Variants in EXD3 observed in about 807,000 individuals in gnomAD.
EXD3 encodes exonuclease 3'-5' domain containing 3.
EXD3 carries 92 observed loss-of-function variants against 98.0 expected under a neutral mutation model. That is an observed-to-expected ratio of 0.94 (90% CI 0.79 to 1.12). The LOEUF is 1.12. EXD3 is among the 50% of genes most tolerant of loss of function. The probability of loss-of-function intolerance (pLI) is 0.00; values close to 1 mark genes in which losing one functional copy is unlikely to be tolerated. For missense variants in EXD3, 1,222 were observed against 1,191.6 expected, an observed-to-expected ratio of 1.03 and a Z score of -0.38; for synonymous variants, 569 against 526.0, an observed-to-expected ratio of 1.08 and a Z score of -1.12.
intron 5 of EXD3, among the ~76,000 whole-genome samples, chr9:137,369,527 G>A (rs935692777): frequency 1.3e-5 from 2 of 152,234 alleles, no homozygotes; most frequent in Non-Finnish European, 2.9e-5. Flanking sequence ...CAGGCCCTGA[G>A]CAGGTGACGC....
At chr9:137,384,372 G>C (rs909497134) in intron 2 of EXD3, among the ~76,000 whole-genome samples, 4 of 152,266 alleles carry the variant, frequency 2.6e-5, no homozygotes, top group East Asian at 1.9e-4. Context: ...GAACGGAGGA[G>C]AGAACCACGT....
chr9:137,345,461 A>G (rs1833868878), intron 17 of EXD3, among the ~76,000 whole-genome samples: 1 of 152,190 alleles, frequency 6.6e-6, no homozygotes, highest in African/African-American at 2.4e-5. Flanking sequence ...CAGGAATTCG[A>G]GACCAGCCTG....
At chr9:137,417,436 C>G (rs973706131) in intron 1 of EXD3, among the ~76,000 whole-genome samples, 1 of 152,162 alleles carries the variant, frequency 6.6e-6, no homozygotes, top group Non-Finnish European at 1.5e-5. Context: ...CCCTGCTGAC[C>G]GCATCTGCAC....
chr9:137,377,832 C>T (rs1256708149), intron 3 of EXD3, among the ~76,000 whole-genome samples: 2 of 131,580 alleles, frequency 1.5e-5, no homozygotes, highest in Non-Finnish European at 3.1e-5. Context: ...CTTGCTCTGT[C>T]GCCCAGGCTG....
At chr9:137,419,771 T>C (rs1350369662) in intron 1 of EXD3, among the ~76,000 whole-genome samples, 1 of 152,192 alleles carries the variant, frequency 6.6e-6, no homozygotes, top group Non-Finnish European at 1.5e-5. Flanking sequence ...AGACTTCCGA[T>C]AACCTGGGAG....
chr9:137,315,253 A>C (rs1381394859), intron 19 of EXD3, among the ~76,000 whole-genome samples: 1 of 151,934 alleles, frequency 6.6e-6, no homozygotes, highest in Non-Finnish European at 1.5e-5. Context: ...TTCCCTGGGC[A>C]CCCCCCGACC....
intron 7 of EXD3, among the ~76,000 whole-genome samples, chr9:137,364,975 A>T (rs557995924): frequency 3.0e-4 from 45 of 151,338 alleles, no homozygotes; most frequent in Non-Finnish European, 5.3e-4. Flanking sequence ...TCACTGTGTT[A>T]GCCAGGATGG....
rs1300935913 is a variant in EXD3 at position 137,407,723 on chromosome 9, G to A, written c.-47-12319C>T. On this transcript the variant is annotated intron_variant, in intron 1 of 21. Coordinates refer to ENST00000340951, the MANE Select transcript of EXD3 (RefSeq NM_017820.5). The surrounding 1 kb of genome is among the most constrained non-coding windows in gnomAD (Gnocchi z 4.4). The stretch of plus-strand genomic sequence containing the variant: ...GGCTCCTGGCCTGGTTCTGAAGACG[G>A]CCCAGCTGGAGTGGGAGAAGTGCCC... Among the ~76,000 whole-genome samples, 1 of 152,232 alleles carries A rather than the reference G, an allele frequency of 6.6e-6. No individual in the cohort carries two copies. The highest frequency in any genetic ancestry group is 1.5e-5 in the Non-Finnish European group (1 of 68,044).
chr9:137,356,083 C>G (rs922117086), intron 8 of EXD3, among the ~76,000 whole-genome samples, 185 bp downstream of exon 8: 31 of 152,204 alleles, frequency 2.0e-4, no homozygotes, highest in African/African-American at 7.5e-4. Flanking sequence ...GTCGCAGGGC[C>G]CAGGCCAGGC....
intron 17 of EXD3, among the ~76,000 whole-genome samples, chr9:137,339,406 G>A (rs551143060): frequency 4.0e-4 from 60 of 150,856 alleles, no homozygotes; most frequent in Admixed American, 5.3e-4. Context: ...CCACATGCCT[G>A]TAGTCCCAGC....
chr9:137,384,060 G>A (rs1836462433), intron 2 of EXD3, among the ~76,000 whole-genome samples: 1 of 152,206 alleles, frequency 6.6e-6, no homozygotes, highest in Admixed American at 6.5e-5. Context: ...CCAGGGAGGG[G>A]CAGGTGCCAG....
intron 6 of EXD3, 102 bp from the exon 7 acceptor site, chr9:137,366,734 G>C: frequency 7.1e-7 from 1 of 1,412,490 alleles, no homozygotes; most frequent in Non-Finnish European, 9.4e-7. Flanking sequence ...GAACGAAAGG[G>C]GCCCAGAGGC....
intron 17 of EXD3, among the ~76,000 whole-genome samples, chr9:137,328,547 G>T (rs1832634384): frequency 6.6e-6 from 1 of 150,854 alleles, no homozygotes; most frequent in South Asian, 2.1e-4. Context: ...AAAGGAAACG[G>T]GTCAAAGGGA....
At chr9:137,320,680 T>G (rs1425053504) in intron 19 of EXD3, among the ~76,000 whole-genome samples, 1 of 152,118 alleles carries the variant, frequency 6.6e-6, no homozygotes, top group Non-Finnish European at 1.5e-5. Flanking sequence ...CCCTTCTGCC[T>G]CACACCCTGG....
chr9:137,416,918 A>G (rs975015916), intron 1 of EXD3, among the ~76,000 whole-genome samples: 5 of 152,204 alleles, frequency 3.3e-5, no homozygotes, highest in African/African-American at 1.2e-4. Context: ...TGCGGCCGTC[A>G]GGAGGCCAGG....
intron 17 of EXD3, among the ~76,000 whole-genome samples, chr9:137,333,771 C>T (rs1833217696): frequency 6.6e-6 from 1 of 152,186 alleles, no homozygotes; most frequent in African/African-American, 2.4e-5. Flanking sequence ...GTACAGCCTC[C>T]AGAACCATAA....
rs1224930426 is a variant in EXD3, at chr9:137,352,748, C to G, written c.909G>C (p.Leu303=). ...CACTGTGGGAGACCAGCAGCTGAGA[C>G]AGCTGCTCCTGAAGCCACGGGCTCT... ...VGQSPWLQEQ[L]SQLLVSHSDP... is the part of the protein sequence containing the mutation. Residue 303 remains leucine, a synonymous_variant, in exon 11 of 22, where the codon CTG becomes CTC. Transcript: ENST00000340951. 2 of 1,577,918 alleles carry G rather than the reference C, an allele frequency of 1.3e-6. No homozygotes were observed. The highest frequency in any genetic ancestry group is 1.7e-6 in the Non-Finnish European group (2 of 1,163,760).
intron 1 of EXD3, among the ~76,000 whole-genome samples, chr9:137,420,573 G>A (rs28787940): frequency 0.3 from 45,492 of 151,968 alleles, 7,132 homozygotes; most frequent in East Asian, 0.61. Context: ...AGGAATCGAG[G>A]TTCGCTTTAT....
chr9:137,334,108 T>TC (rs2119161388), intron 17 of EXD3, among the ~76,000 whole-genome samples: 1 of 152,134 alleles, frequency 6.6e-6, no homozygotes, highest in East Asian at 1.9e-4. Flanking sequence ...TTCAAACGAT[T>TC]CCCCTGCCTC....
Sources: allele counts gnomAD v4.1 joint callset (sites outside exome capture counted in the v4.1 genomes callset), GRCh38; gene constraint gnomAD v4.1.1; non-coding constraint Gnocchi (gnomAD v3.1); transcripts MANE v1.5; gene names NCBI Gene and HGNC (gene_info 2026-07-23, HGNC 2026-07-21).